PIBF1: variants seen among roughly 807,000 people sequenced by gnomAD.
PIBF1 encodes progesterone-induced-blocking factor 1.
PIBF1 carries 90 observed loss-of-function variants against 112.5 expected under a neutral mutation model. The ratio of observed to expected loss-of-function variants is 0.80; its 90% CI spans 0.67 to 0.95. The LOEUF is 0.95. PIBF1 is among the 40% of genes least tolerant of loss of function. The pLI, the probability that PIBF1 is intolerant of heterozygous loss-of-function variation, is 0.00. For missense variants in PIBF1, 915 were observed against 852.3 expected (o/e 1.07, Z -0.92); for synonymous variants, 301 against 288.6 (o/e 1.04, Z -0.44).
In PIBF1 at chr13:72,877,027, A is replaced by AT. The variant is rs908153941; in HGVS notation, c.1323-16751dup. Among the ~76,000 whole-genome samples, 29 of 152,028 alleles carry AT rather than the reference A, an allele frequency of 1.9e-4. 1 individual carries two copies. Among genetic ancestry groups the AT allele is most frequent in the Non-Finnish European group, 5.9e-5 (4 of 67,990 alleles). On this transcript the variant is annotated intron_variant, in intron 10 of 17. Coordinates refer to ENST00000326291, the MANE Select transcript of PIBF1 (RefSeq NM_006346.4). ...ATGTTACTTGTAGGATTTTTGTGTTATTTTTTATCAAGTTGAGGAACTTCC... is the reference window on the plus strand; with the variant it reads ...ATGTTACTTGTAGGATTTTTGTGTTATTTTTTTATCAAGTTGAGGAACTTCC...
chr13:72,878,714 C>G (rs1460124926), intron 10 of PIBF1, among the ~76,000 whole-genome samples: 1 of 152,172 alleles, frequency 6.6e-6, no homozygotes, highest in Non-Finnish European at 1.5e-5. Context: ...ATTTCTAATA[C>G]TAGCGTGTTG....
At chr13:72,899,507 T>C (rs776203585) in intron 11 of PIBF1, among the ~76,000 whole-genome samples, 1 of 152,072 alleles carries the variant, frequency 6.6e-6, no homozygotes, top group Non-Finnish European at 1.5e-5. Context: ...ATAAACAGAA[T>C]TAAAAACAAA....
intron 5 of PIBF1, among the ~76,000 whole-genome samples, chr13:72,806,564 C>T (rs974407420): frequency 2.0e-5 from 3 of 152,062 alleles, no homozygotes; most frequent in Non-Finnish European, 2.9e-5. Context: ...TGATGTTCCT[C>T]TCCCTGGTCC....
chr13:72,902,813 G>T (rs1295748409), intron 11 of PIBF1, among the ~76,000 whole-genome samples: 1 of 152,086 alleles, frequency 6.6e-6, no homozygotes, highest in Non-Finnish European at 1.5e-5. Flanking sequence ...GAAGGATGCA[G>T]TTAGGAAATT....
At chr13:72,976,317 A>G (rs2138952159) in intron 16 of PIBF1, among the ~76,000 whole-genome samples, 1 of 152,012 alleles carries the variant, frequency 6.6e-6, no homozygotes, top group South Asian at 2.1e-4. Flanking sequence ...GGTTAGAGGG[A>G]AGGAGAGGAA....
chr13:72,783,344 T>G lies in PIBF1; in HGVS notation c.-47-79T>G, dbSNP rs1593866590. ...TGCCTAATATTTATTTAAGGAATCC[T>G]TAGTCTCTCTTTAATACAGTCCATG... On this transcript the variant is annotated intron_variant, in intron 1 of 17. Coordinates refer to ENST00000326291, the MANE Select transcript of PIBF1 (RefSeq NM_006346.4). 7 of 669,172 alleles carry G rather than the reference T, an allele frequency of 1.0e-5. No homozygotes were observed. The East Asian group carries it at 1.4e-4, about 13-fold the overall frequency. 41.5% of individuals were successfully genotyped at this position (669,172 alleles called of 1,614,324 possible). A position where few individuals can be genotyped will look rare whatever the true frequency, so the allele number is the denominator to read the frequency against.
intron 16 of PIBF1, among the ~76,000 whole-genome samples, chr13:72,995,118 G>A (rs902630865): frequency 5.3e-5 from 8 of 151,972 alleles, no homozygotes; most frequent in African/African-American, 1.9e-4. Flanking sequence ...TGGCCAAGAT[G>A]GTGAAACCCC....
intron 17 of PIBF1, among the ~76,000 whole-genome samples, chr13:73,005,294 C>CA (rs771810941): frequency 0.032 from 4,292 of 135,594 alleles, 107 homozygotes; most frequent in African/African-American, 0.073. Context: ...CTACCTTTAC[C>CA]AAAAAAAAAA....
At chr13:72,964,470 T>C (rs1011403393) in intron 14 of PIBF1, among the ~76,000 whole-genome samples, 1 of 152,190 alleles carries the variant, frequency 6.6e-6, no homozygotes, top group Non-Finnish European at 1.5e-5. Context: ...TTTCACATGA[T>C]TAAAATGGTA....
At chr13:72,995,948 C>CA (rs35193072) in intron 16 of PIBF1, among the ~76,000 whole-genome samples, 44,974 of 124,388 alleles carry the variant, frequency 0.36, 7,946 homozygotes, top group South Asian at 0.53. Flanking sequence ...GACTCCATCT[C>CA]AAAAAAAAAA....
At chr13:72,807,341 G>A (rs534295685) in intron 5 of PIBF1, among the ~76,000 whole-genome samples, 25 of 152,228 alleles carry the variant, frequency 1.6e-4, no homozygotes, top group Admixed American at 1.2e-3. Context: ...TTGAGAGGTC[G>A]AGGTGGGCAG....
chr13:72,876,101 A>G (rs1218843326), intron 10 of PIBF1, among the ~76,000 whole-genome samples: 1 of 72,796 alleles, frequency 1.4e-5, no homozygotes, highest in East Asian at 4.2e-4. Context: ...TTTTGAGTTA[A>G]TTTTTGCAAA....
intron 5 of PIBF1, among the ~76,000 whole-genome samples, chr13:72,807,753 A>G (rs1035574554): frequency 4.6e-5 from 7 of 152,206 alleles, no homozygotes; most frequent in African/African-American, 1.7e-4. Flanking sequence ...ATAACTATCA[A>G]TCAGCTTATA....
chr13:72,915,054 C>G (rs1286562642), intron 12 of PIBF1, among the ~76,000 whole-genome samples: 3 of 152,044 alleles, frequency 2.0e-5, no homozygotes, highest in African/African-American at 7.2e-5. Flanking sequence ...TACAATATAA[C>G]AACTATTATA....
chr13:73,000,776 T>G (rs1315875543), intron 17 of PIBF1, among the ~76,000 whole-genome samples: 2 of 152,174 alleles, frequency 1.3e-5, no homozygotes, highest in African/African-American at 4.8e-5. Context: ...GTAACCTGAT[T>G]GTGATTTTCT....
chr13:72,935,712 T>G (rs961583648), intron 14 of PIBF1, among the ~76,000 whole-genome samples: 3 of 152,166 alleles, frequency 2.0e-5, no homozygotes, highest in South Asian at 2.1e-4. Flanking sequence ...TATGGTTAGT[T>G]TTTTTATCCA....
chr13:72,885,311 C>T (rs1371770453), intron 10 of PIBF1, among the ~76,000 whole-genome samples: 1 of 152,068 alleles, frequency 6.6e-6, no homozygotes, highest in South Asian at 2.1e-4. Context: ...GACACCTAAA[C>T]CTGGAAACAA....
rs749884798 is a variant in PIBF1, at chr13:72,998,962, A to C, written c.2190A>C (p.Glu730Asp). ...SKTLNVPKEH[E>D]DNIFTPKPTL... ...CTTTGAATGTGCCTAAAGAGCATGA[A>C]GACAATATATTTACACCTAAACCAA... The change falls in exon 17 of 18, where the codon GAA becomes GAC. Residue 730 changes from glutamate (E) to aspartate (D), a missense_variant. Physicochemically the swap from Glu to Asp is conservative, Grantham distance 45. Coordinates refer to ENST00000326291, the MANE Select transcript of PIBF1 (RefSeq NM_006346.4). The C allele has an allele frequency of 1.2e-6, 2 of 1,609,184 alleles. No homozygotes were observed. The highest frequency in any genetic ancestry group is 1.7e-6 in the Non-Finnish European group (2 of 1,176,942).
chr13:72,977,368 G>C (rs1295491900), intron 16 of PIBF1, among the ~76,000 whole-genome samples: 1 of 151,938 alleles, frequency 6.6e-6, no homozygotes, highest in African/African-American at 2.4e-5. Flanking sequence ...ACCACACCTG[G>C]CTAATTTTTT....
Sources: allele counts gnomAD v4.1 joint callset (sites outside exome capture counted in the v4.1 genomes callset), GRCh38; gene constraint gnomAD v4.1.1; transcripts MANE v1.5; gene names NCBI Gene and HGNC (gene_info 2026-07-23, HGNC 2026-07-21).